The following SEPTIN3 variants were observed in gnomAD, a reference collection of about 807,000 sequenced individuals.
The protein encoded by SEPTIN3 is neuronal-specific septin-3.
SEPTIN3 carries 15 observed loss-of-function variants against 45.1 expected under a neutral mutation model. The ratio of observed to expected loss-of-function variants is 0.33; its 90% CI spans 0.22 to 0.51. SEPTIN3 has a LOEUF of 0.51. Among genes scored for constraint, SEPTIN3 ranks in the 20% least tolerant of loss-of-function variants. The probability of loss-of-function intolerance (pLI) is 0.97; values close to 1 mark genes in which losing one functional copy is unlikely to be tolerated. For missense variants in SEPTIN3, 289 were observed against 457.2 expected (o/e 0.63, Z 3.35); for synonymous variants, 148 against 164.8 (o/e 0.90, Z 0.78).
intron 5 of SEPTIN3, 33 bp downstream of exon 5, chr22:41,987,320 A>C: frequency 6.4e-7 from 1 of 1,561,026 alleles, no homozygotes; most frequent in South Asian, 1.1e-5. Context: ...TTTGCCCTAA[A>C]GACTCTGCTG....
intron 11 of SEPTIN3, chr22:41,995,136 A>C: frequency 2.8e-6 from 3 of 1,071,228 alleles, no homozygotes; most frequent in Non-Finnish European, 3.4e-6. Context: ...GCCACAGGCA[A>C]CTCTTCTCTC....
intron 6 of SEPTIN3, among the ~76,000 whole-genome samples, chr22:41,988,606 A>C (rs566129761): frequency 8.4e-4 from 128 of 152,320 alleles, no homozygotes; most frequent in South Asian, 5.2e-3. Context: ...GGCTGGTTTT[A>C]TCCCTCCCTA....
rs763909793 is a variant in SEPTIN3 at position 41,989,610 on chromosome 22, G to T, written c.2089G>T (p.Val697Phe). 1 of 1,614,094 alleles carries T rather than the reference G, an allele frequency of 6.2e-7. No homozygotes were observed. Among genetic ancestry groups the T allele is most frequent in the South Asian group, 1.1e-5 (1 of 91,074 alleles). Residue 697 changes from valine (V) to phenylalanine (F), a missense_variant, in exon 7 of 12, where the codon GTT becomes TTT. Val to Phe is a conservative substitution (Grantham distance 50). Transcript: ENST00000644076. The stretch of plus-strand genomic sequence containing the variant: ...TGAGTTCATGAAACACCTCAGCAAG[G>T]TTGTGAACATCATCCCTGTCATTGC... ...DLEFMKHLSKVVNIIPVIAKA... is the reference protein window; with the variant it reads ...DLEFMKHLSKFVNIIPVIAKA...
chr22:41,997,056 C>A lies in SEPTIN3; in HGVS notation c.*89C>A. On this transcript the variant is annotated 3_prime_UTR_variant, in exon 12 of 12. Transcript: ENST00000644076. ...CCTTTTTAGTGCTGTGCTCGTCCAG[C>A]TCACCACCACAGCCCCTCTCAGCCC... 6.3e-7 allele frequency: 1 copy of A among 1,598,898 alleles called. No individual in the cohort carries two copies. Among genetic ancestry groups the A allele is most frequent in the South Asian group, 1.1e-5 (1 of 89,764 alleles).
intron 2 of SEPTIN3, chr22:41,977,031 A>C: frequency 6.3e-7 from 1 of 1,591,298 alleles, no homozygotes; most frequent in Non-Finnish European, 8.5e-7. Flanking sequence ...CGCCCGGAGC[A>C]TCTCCCTGGA....
chr22:41,987,482 G>C, intron 5 of SEPTIN3, 140 bp from the exon 6 acceptor site: 1 of 1,191,042 alleles, frequency 8.4e-7, no homozygotes, highest in Non-Finnish European at 1.2e-6. Context: ...CGGGGGCTGA[G>C]GGGGAATCTG....
chr22:41,989,126 C>CAAAAAAA lies in SEPTIN3; in HGVS notation c.2046-426_2046-420dup, dbSNP rs71184854. 1.2e-3 allele frequency among the ~76,000 whole-genome samples: 103 copies of CAAAAAAA among 88,574 alleles called. 1 individual carries two copies. The highest frequency in any genetic ancestry group is 1.8e-3 in the Non-Finnish European group (87 of 49,042). The allele number at this position is 88,574 out of a possible 152,430, so 58.1% of individuals were successfully genotyped here. On this transcript the variant is annotated intron_variant, in intron 6 of 11. Transcript: ENST00000644076. ...TGGGTGACAAAGTGAGACCCTGTCT[C>CAAAAAAA]AAAAAAAAAAAAAAAAAAAAAGACA...
intron 4 of SEPTIN3, among the ~76,000 whole-genome samples, chr22:41,986,654 C>G (rs1420423457): frequency 6.6e-6 from 1 of 152,106 alleles, no homozygotes; most frequent in Non-Finnish European, 1.5e-5. Context: ...CACCCGCCAC[C>G]ACGCCCGGCT....
chr22:41,992,636 G>A, intron 8 of SEPTIN3, 28 bp from the exon 9 acceptor site: 1 of 1,491,792 alleles, frequency 6.7e-7, no homozygotes, highest in Non-Finnish European at 9.2e-7. Flanking sequence ...GTGCACATGT[G>A]TCTGGTTTGT....
At position 41,972,122 on chromosome 22, in the gene SEPTIN3, C is replaced by A; in HGVS notation, c.630C>A (p.Gly210=). 2.5e-6 allele frequency: 1 copy of A among 399,146 alleles called. No homozygotes were observed. The highest frequency in any genetic ancestry group is 4.4e-6 in the Non-Finnish European group (1 of 226,126). 24.7% of individuals were successfully genotyped at this position (399,146 alleles called of 1,614,324 possible). A position where few individuals can be genotyped will look rare whatever the true frequency, so the allele number is the denominator to read the frequency against. ...GTGCACCAGTCCTTGCAGAGCCAGG[C>A]TCGTTGGGCCAGGGGCACCTTGTCT... ...AQSAPVLAEP[G]SLGQGHLVSV... is the part of the protein sequence containing the mutation. Residue 210 remains glycine, a synonymous_variant, in exon 2 of 12, where the codon GGC becomes GGA. Transcript: ENST00000644076.
chr22:41,974,104 G>C (rs1451956196), intron 2 of SEPTIN3, among the ~76,000 whole-genome samples: 1 of 150,536 alleles, frequency 6.6e-6, no homozygotes, highest in Non-Finnish European at 1.5e-5. Flanking sequence ...CGAGGCTGCA[G>C]TGAACCATGA....
At position 41,994,088 on chromosome 22, in the gene SEPTIN3, C is replaced by T. The variant is rs1461886320; in HGVS notation, c.2360-202C>T. On this transcript the variant is annotated intron_variant, in intron 9 of 11. Transcript: ENST00000644076. This position sits in a 1 kb window ranked among gnomAD's most constrained non-coding sequence, Gnocchi z 4.2. Reference sequence around the variant, plus strand: ...CCACAGCGTCTAGAAGGATGTCGTGCCCATTGTAGCTGCTTAATATTTGTT... The same window carrying T: ...CCACAGCGTCTAGAAGGATGTCGTGTCCATTGTAGCTGCTTAATATTTGTT... Among the ~76,000 whole-genome samples, 1 of 152,170 alleles carries T rather than the reference C, an allele frequency of 6.6e-6. No individual in the cohort carries two copies.
chr22:41,997,808 G>A lies in SEPTIN3; in HGVS notation c.*841G>A, dbSNP rs1921026054. 1 of 152,472 alleles carries A rather than the reference G, an allele frequency of 6.6e-6. No homozygotes were observed. The highest frequency in any genetic ancestry group is 1.5e-5 in the Non-Finnish European group (1 of 68,030). 9.4% of individuals were successfully genotyped at this position (152,472 alleles called of 1,614,324 possible). On this transcript the variant is annotated 3_prime_UTR_variant, in exon 12 of 12. Transcript: ENST00000644076. ...CCCCATTAATGTGAGTAATGAATTA[G>A]CCTGACCACAGGTGGTCACTGTAGG...
At chr22:41,996,661 C>G (rs1036599287) in intron 11 of SEPTIN3, 24 of 1,361,006 alleles carry the variant, frequency 1.8e-5, no homozygotes, top group Non-Finnish European at 2.3e-5. Context: ...CGCTACAGCC[C>G]AGAGGTTATA....
chr22:41,977,016 C>T (rs1160792293), intron 2 of SEPTIN3: 16 of 1,583,462 alleles, frequency 1.0e-5, no homozygotes, highest in African/African-American at 1.4e-5. Context: ...AGCCTTGCAG[C>T]CCCGCGCCCG....
In SEPTIN3 at chr22:41,990,134, G is replaced by A. The variant is rs901388072; in HGVS notation, c.2163+450G>A. On this transcript the variant is annotated intron_variant, in intron 7 of 11. Coordinates refer to ENST00000644076, the MANE Select transcript of SEPTIN3 (RefSeq NM_001363845.2). ...CGGCTCACTGCAAGCTCCGCCTTAC[G>A]GGTTCACGCCATTCTCCTGCCTCAG... Among the ~76,000 whole-genome samples the A allele has an allele frequency of 2.6e-5, 4 of 151,472 alleles. No individual in the cohort carries two copies. The South Asian group carries it at 6.3e-4, about 24-fold the overall frequency.
chr22:41,971,951 A>C lies in SEPTIN3; in HGVS notation c.459A>C (p.Pro153=), dbSNP rs570592928. 90 of 399,038 alleles carry C rather than the reference A, an allele frequency of 2.3e-4. No homozygotes were observed. In the Middle Eastern group the frequency reaches 3.1e-3, roughly 14 times the overall value. The allele number at this position is 399,038 out of a possible 1,614,324, so 24.7% of individuals were successfully genotyped here. The change falls in exon 2 of 12, where the codon CCA becomes CCC. Residue 153 remains proline, a synonymous_variant. Coordinates refer to ENST00000644076, the MANE Select transcript of SEPTIN3 (RefSeq NM_001363845.2). ...GGAGGGTGTCCTCGCCAGGCTCGCC[A>C]CCTGTGACCCTAGTGCCAGGGGGCA... ...EGGRVSSPGS[P]PVTLVPGGRV...
At chr22:41,993,276 C>G (rs2078353290) in intron 9 of SEPTIN3, among the ~76,000 whole-genome samples, 1 of 152,098 alleles carries the variant, frequency 6.6e-6, no homozygotes, top group African/African-American at 2.4e-5. Flanking sequence ...AGGTTAAAAG[C>G]CTTGTCCAAA....
At position 41,976,168 on chromosome 22, in the gene SEPTIN3, T is replaced by A. The variant is rs575610029; in HGVS notation, c.1504+3172T>A. Reference sequence around the variant, plus strand: ...TCTGGCCCTCATCTCCTCCAAGAAGTCTTCCAAGCCCCCTCTCCCCAGGGT... The same window carrying A: ...TCTGGCCCTCATCTCCTCCAAGAAGACTTCCAAGCCCCCTCTCCCCAGGGT... On this transcript the variant is annotated intron_variant, in intron 2 of 11. Transcript: ENST00000644076. This position sits in a 1 kb window ranked among gnomAD's most constrained non-coding sequence, Gnocchi z 5.8. The A allele has an allele frequency of 6.6e-6, 1 of 152,504 alleles. No homozygotes were observed. Among genetic ancestry groups the A allele is most frequent in the Admixed American group, 6.6e-5 (1 of 15,246 alleles). The allele number at this position is 152,504 out of a possible 1,614,324, so 9.4% of individuals were successfully genotyped here. A position where few individuals can be genotyped will look rare whatever the true frequency, so the allele number is the denominator to read the frequency against.
Sources: allele counts gnomAD v4.1 joint callset (sites outside exome capture counted in the v4.1 genomes callset), GRCh38; gene constraint gnomAD v4.1.1; non-coding constraint Gnocchi (gnomAD v3.1); transcripts MANE v1.5; gene names NCBI Gene and HGNC (gene_info 2026-07-23, HGNC 2026-07-21).